Variants in STK33 observed in about 807,000 individuals in gnomAD.
STK33 encodes the protein serine/threonine kinase 33.
In STK33, 52 loss-of-function variants were observed where a neutral mutation model predicts 58.0. That is an observed-to-expected ratio of 0.90 (90% CI 0.72 to 1.13). The LOEUF (loss-of-function observed/expected upper bound fraction) is 1.13. Among genes scored for constraint, STK33 ranks in the 50% most tolerant of loss-of-function variants. The pLI, the probability that STK33 is intolerant of heterozygous loss-of-function variation, is 0.00. For missense variants in STK33, 630 were observed against 604.2 expected, an observed-to-expected ratio of 1.04 and a Z score of -0.45; for synonymous variants, 215 against 200.1, an observed-to-expected ratio of 1.07 and a Z score of -0.63.
chr11:8,348,076 C>T, the STK33 span, among the ~76,000 whole-genome samples: 1 of 152,228 alleles, frequency 6.6e-6, no homozygotes, highest in East Asian at 1.9e-4. Context: ...GGGTGACTGA[C>T]TCTATTTCCC....
chr11:8,414,611 A>C (rs889602593), intron 14 of STK33, among the ~76,000 whole-genome samples: 1 of 152,148 alleles, frequency 6.6e-6, no homozygotes, highest in Non-Finnish European at 1.5e-5. Flanking sequence ...ACTGTTGAGG[A>C]CTTGTTGAGT....
intron 1 of STK33, among the ~76,000 whole-genome samples, chr11:8,519,887 G>C (rs1486409660): frequency 1.3e-5 from 2 of 152,168 alleles, no homozygotes; most frequent in Admixed American, 6.5e-5. Flanking sequence ...GGACCAGACG[G>C]ATTCACAGCC....
At chr11:8,458,169 G>C (rs1464930865) in intron 8 of STK33, among the ~76,000 whole-genome samples, 1 of 152,096 alleles carries the variant, frequency 6.6e-6, no homozygotes, top group Non-Finnish European at 1.5e-5. Flanking sequence ...ATGTAGAACA[G>C]GGCTCAACAA....
At chr11:8,395,987 T>C (rs910006674) in intron 15 of STK33, among the ~76,000 whole-genome samples, 2 of 152,218 alleles carry the variant, frequency 1.3e-5, no homozygotes, top group Non-Finnish European at 2.9e-5. Context: ...CAGTCATCCA[T>C]ATTTTAATTG....
At chr11:8,522,305 T>C (rs1218147488) in intron 1 of STK33, among the ~76,000 whole-genome samples, 2 of 152,110 alleles carry the variant, frequency 1.3e-5, no homozygotes, top group African/African-American at 4.8e-5. Flanking sequence ...ATAAAAAGGA[T>C]GAGTTCATGT....
chr11:8,334,906 G>C, the STK33 span, among the ~76,000 whole-genome samples: 1 of 152,182 alleles, frequency 6.6e-6, no homozygotes, highest in Non-Finnish European at 1.5e-5. Flanking sequence ...GCCCTGGGTT[G>C]GGCACCCCAG....
At chr11:8,367,667 C>T in the STK33 span, among the ~76,000 whole-genome samples, 1 of 152,200 alleles carries the variant, frequency 6.6e-6, no homozygotes. Context: ...CTCACATAAT[C>T]TTCACAGCAA....
In STK33 at chr11:8,544,970, C is replaced by CA. The variant is rs546042794; in HGVS notation, c.-466+49112dup. ...AAAACTGCATCAGCTAAAACCATGA[C>CA]ACGGTCCTGCTTACAGTCATAGATT... is the stretch of plus-strand genomic sequence containing the variant. On this transcript the variant is annotated intron_variant, in intron 1 of 15. Coordinates refer to ENST00000687296, the MANE Select transcript of STK33 (RefSeq NM_001352389.2). Among the ~76,000 whole-genome samples the CA allele has an allele frequency of 1.7e-4, 26 of 152,274 alleles. No homozygotes were observed. In the East Asian group the frequency reaches 4.8e-3, roughly 28 times the overall value.
chr11:8,387,883 T>A (rs1283025435), downstream of STK33, among the ~76,000 whole-genome samples: 3 of 151,254 alleles, frequency 2.0e-5, no homozygotes, highest in African/African-American at 7.3e-5. Flanking sequence ...CTTTTTGTGC[T>A]GACTGAGCTT....
intron 1 of STK33, among the ~76,000 whole-genome samples, chr11:8,592,670 T>A (rs2032806995): frequency 6.6e-6 from 1 of 152,130 alleles, no homozygotes. Flanking sequence ...TGGAATGCAG[T>A]GGCAAGTTCA....
intron 14 of STK33, among the ~76,000 whole-genome samples, chr11:8,420,254 G>A (rs1389732308): frequency 2.0e-5 from 3 of 152,134 alleles, no homozygotes; most frequent in Non-Finnish European, 4.4e-5. Flanking sequence ...AGAGTCCAAG[G>A]CAGCAGAATA....
rs993834357 is a variant in STK33 at position 8,509,033 on chromosome 11, T to C, written c.-465-28419A>G. Among the ~76,000 whole-genome samples, 3 of 151,054 alleles carry C rather than the reference T, an allele frequency of 2.0e-5. No homozygotes were observed. The East Asian group carries it at 5.8e-4, about 29-fold the overall frequency. On this transcript the variant is annotated intron_variant, in intron 1 of 15. Transcript: ENST00000687296. ...CAGGAGGCTGGGACAGGAGAATCACTTGAGCCCAGGAGGCGGAGGTTTTGG... is the reference window on the plus strand; with the variant it reads ...CAGGAGGCTGGGACAGGAGAATCACCTGAGCCCAGGAGGCGGAGGTTTTGG...
chr11:8,492,481 C>G (rs927931789), intron 1 of STK33, among the ~76,000 whole-genome samples: 2 of 152,100 alleles, frequency 1.3e-5, no homozygotes, highest in African/African-American at 4.8e-5. Context: ...GACTTAGACT[C>G]CCACACAATA....
At chr11:8,516,597 A>T (rs536984635) in intron 1 of STK33, among the ~76,000 whole-genome samples, 1 of 152,340 alleles carries the variant, frequency 6.6e-6, no homozygotes, top group South Asian at 2.1e-4. Context: ...GGAAGCCGTG[A>T]TAGATGGTAC....
intron 12 of STK33, among the ~76,000 whole-genome samples, chr11:8,437,352 A>G (rs975510041): frequency 6.6e-6 from 1 of 152,204 alleles, no homozygotes; most frequent in African/African-American, 2.4e-5. Context: ...TCAATTCTTC[A>G]TAACACAATA....
At chr11:8,405,938 C>A (rs938928232) in intron 15 of STK33, among the ~76,000 whole-genome samples, 1 of 151,888 alleles carries the variant, frequency 6.6e-6, no homozygotes, top group African/African-American at 2.4e-5. Context: ...GTCAGGAGAT[C>A]GAGACCATCC....
chr11:8,346,570 C>G, the STK33 span, among the ~76,000 whole-genome samples: 1 of 152,326 alleles, frequency 6.6e-6, no homozygotes, highest in South Asian at 2.1e-4. Flanking sequence ...GGCAGGATAT[C>G]TGTGAGGAAA....
chr11:8,429,461 T>A (rs1190477888), intron 14 of STK33, among the ~76,000 whole-genome samples: 1 of 152,174 alleles, frequency 6.6e-6, no homozygotes, highest in East Asian at 1.9e-4. Context: ...AGAAGCAGTT[T>A]TGATTGCTCT....
the STK33 span, among the ~76,000 whole-genome samples, chr11:8,342,632 A>G: frequency 3.3e-5 from 5 of 152,244 alleles, no homozygotes; most frequent in Non-Finnish European, 7.3e-5. Flanking sequence ...AACACTTTAC[A>G]TCCACTCATT....
Sources: gnomAD v4.1 joint callset for allele counts (sites outside exome capture counted in the v4.1 genomes callset) on GRCh38, gnomAD v4.1.1 for gene constraint, MANE v1.5 for transcripts, NCBI Gene and HGNC (gene_info 2026-07-23, HGNC 2026-07-21) for gene names.